The following NPC1 variants were observed in gnomAD, a reference collection of about 807,000 sequenced individuals.
The protein encoded by NPC1 is NPC intracellular cholesterol transporter 1, also known as Niemann-Pick C1 protein.
In NPC1, 85 loss-of-function variants were observed where a neutral mutation model predicts 140.4. The observed-to-expected ratio is 0.61, with a 90% CI of 0.51 to 0.72. The LOEUF is 0.72. Ranked by LOEUF, NPC1 falls within the 30% of genes least tolerant of loss-of-function variation. The pLI, the probability that NPC1 is intolerant of heterozygous loss-of-function variation, is 0.00. For missense variants in NPC1, 1,504 were observed against 1,623.8 expected (o/e 0.93, Z 1.27); for synonymous variants, 656 against 624.8 (o/e 1.05, Z -0.74).
downstream of NPC1, chr18:23,530,693 C>A: frequency 7.5e-7 from 1 of 1,340,720 alleles, no homozygotes. Flanking sequence ...GGGCGAGGAC[C>A]CTGGGTTAGC....
intron 11 of NPC1, among the ~76,000 whole-genome samples, chr18:23,546,248 CAAAAAAAAAAAAAAAA>C (rs60021403): frequency 1.5e-4 from 7 of 45,580 alleles, no homozygotes; most frequent in South Asian, 1.5e-3. Flanking sequence ...GACTCTGTCT[CAAAAAAAAAAAAAAAA>C]AAAAAAAAAA....
In NPC1 at chr18:23,541,215, G is replaced by C; in HGVS notation, c.2374-7C>G. 1.9e-6 allele frequency: 3 copies of C among 1,614,154 alleles called. No homozygotes were observed. Among genetic ancestry groups the C allele is most frequent in the Non-Finnish European group, 2.5e-6 (3 of 1,180,028 alleles). ...AGATGTCTAGCCGATTTTTCTGAGG[G>C]GACAGAGGGAAACAAAGGTTATACC... On this transcript the variant is annotated splice_polypyrimidine_tract_variant and splice_region_variant and intron_variant, in intron 15 of 24. Coordinates refer to ENST00000269228, the MANE Select transcript of NPC1 (RefSeq NM_000271.5).
intron 3 of NPC1, among the ~76,000 whole-genome samples, chr18:23,510,920 T>C (rs138337989): frequency 6.6e-6 from 1 of 152,334 alleles, no homozygotes; most frequent in Non-Finnish European, 1.5e-5. Context: ...AGTATGGCGA[T>C]TCCTCAGAGA....
At position 23,544,318 on chromosome 18, in the gene NPC1, A is replaced by T. The variant is rs201543574; in HGVS notation, c.2130+26T>A. 18 of 1,609,942 alleles carry T rather than the reference A, an allele frequency of 1.1e-5. No homozygotes were observed. The Admixed American group carries it at 3.0e-4, about 27-fold the overall frequency. On this transcript the variant is annotated intron_variant, in intron 13 of 24. Transcript: ENST00000269228. Reference sequence around the variant, plus strand: ...GTCCCTGAAACTTGAACAGATGCTGAGCCCTGTGAGAATATGGAAGTATAC... The same window carrying T: ...GTCCCTGAAACTTGAACAGATGCTGTGCCCTGTGAGAATATGGAAGTATAC...
intron 2 of NPC1, 112 bp from the exon 3 acceptor site, chr18:23,572,292 G>A: frequency 1.4e-6 from 1 of 729,872 alleles, no homozygotes; most frequent in Non-Finnish European, 2.5e-6. Flanking sequence ...AGTACAAAAG[G>A]GTAAGACACA....
rs1555634618 is a variant in NPC1, at chr18:23,544,952, C to CCTCCG, written c.1947+7_1947+8insCGGAG. ...CTCTAGAACATACACCACCCCCCCC[C>CCTCCG]GGCTTACCAGAAGCCTGCGACAGCT... On this transcript the variant is annotated splice_region_variant and intron_variant, in intron 12 of 24. Transcript: ENST00000269228. 1.2e-5 allele frequency: 17 copies of CCTCCG among 1,430,730 alleles called. No homozygotes were observed. The highest frequency in any genetic ancestry group is 1.6e-5 in the Non-Finnish European group (16 of 1,025,422). 88.6% of individuals were successfully genotyped at this position (1,430,730 alleles called of 1,614,324 possible). A position where few individuals can be genotyped will look rare whatever the true frequency, so the allele number is the denominator to read the frequency against.
chr18:23,562,007 T>G lies in NPC1; in HGVS notation c.464-480A>C, dbSNP rs183940900. ...CACGTGTCAATAAACCTAATACTGT[T>G]GGCCGGGCACGGTGGCTCACACCTG... On this transcript the variant is annotated intron_variant, in intron 4 of 24. Transcript: ENST00000269228. 4.2e-3 allele frequency among the ~76,000 whole-genome samples: 642 copies of G among 152,240 alleles called. 6 individuals carry two copies. Among genetic ancestry groups the G allele is most frequent in the Middle Eastern group, 0.01 (3 of 294 alleles).
At chr18:23,535,903 G>C (rs2145353251) in intron 21 of NPC1, among the ~76,000 whole-genome samples, 1 of 152,130 alleles carries the variant, frequency 6.6e-6, no homozygotes, top group East Asian at 1.9e-4. Flanking sequence ...GCCCAGCAGT[G>C]ATGCAAAATG....
In NPC1 at chr18:23,534,391, G is replaced by A; in HGVS notation, c.3591+55C>T. ...AGGATCCAGACTCTTCAGTCACTGA[G>A]GAGGATTACTTTGTGGTGCGACTCT... On this transcript the variant is annotated intron_variant, in intron 23 of 24. Transcript: ENST00000269228. 3.5e-6 allele frequency: 4 copies of A among 1,157,468 alleles called. No individual in the cohort carries two copies. In the South Asian group the frequency reaches 4.9e-5, roughly 14 times the overall value. 71.7% of individuals were successfully genotyped at this position (1,157,468 alleles called of 1,614,324 possible).
At chr18:23,562,358 C>T (rs2059055452) in intron 4 of NPC1, among the ~76,000 whole-genome samples, 1 of 151,446 alleles carries the variant, frequency 6.6e-6, no homozygotes, top group Non-Finnish European at 1.5e-5. Flanking sequence ...TTTTCTTACA[C>T]ATACACACAA....
At chr18:23,530,711 T>C, downstream of NPC1, 1 of 1,137,430 alleles carries the variant, frequency 8.8e-7, no homozygotes, top group Non-Finnish European at 1.2e-6. Flanking sequence ...AGCATTTTTG[T>C]AAACAACACA....
chr18:23,523,633 G>A (rs1368703372), intron 1 of NPC1, among the ~76,000 whole-genome samples: 1 of 151,796 alleles, frequency 6.6e-6, no homozygotes, highest in African/African-American at 2.4e-5. Flanking sequence ...TGAGGCAGGA[G>A]GACCACTTGA....
Position 23,559,959 on chromosome 18 carries a change from C to G in NPC1, c.881+272G>C, listed in dbSNP as rs542674415. ...GGCGACAAGAGTGAGACTCAGTCTCCAAAAAAAAAAAGAATCAGTGGCTAA... is the reference window on the plus strand; with the variant it reads ...GGCGACAAGAGTGAGACTCAGTCTCGAAAAAAAAAAAGAATCAGTGGCTAA... On this transcript the variant is annotated intron_variant, in intron 6 of 24. Transcript: ENST00000269228. 1.6e-3 allele frequency among the ~76,000 whole-genome samples: 217 copies of G among 137,602 alleles called. 1 individual carries two copies. In the Middle Eastern group the frequency reaches 0.049, roughly 31 times the overall value. 90.3% of individuals were successfully genotyped at this position (137,602 alleles called of 152,430 possible).
intron 1 of NPC1, chr18:23,524,065 A>C: frequency 4.6e-6 from 7 of 1,516,308 alleles, no homozygotes; most frequent in Non-Finnish European, 6.4e-6. Context: ...CTTTTGTGTC[A>C]TAAGTACCAG....
chr18:23,521,928 T>G (rs1488907633), downstream of NPC1, among the ~76,000 whole-genome samples: 1 of 152,218 alleles, frequency 6.6e-6, no homozygotes, highest in African/African-American at 2.4e-5. Flanking sequence ...AATTGGCTAG[T>G]CTGAGGTTTC....
intron 10 of NPC1, among the ~76,000 whole-genome samples, chr18:23,551,074 T>C (rs1311862064): frequency 1.3e-5 from 2 of 152,206 alleles, no homozygotes; most frequent in African/African-American, 4.8e-5. Flanking sequence ...AGGTGTCACA[T>C]GAATAATCAC....
At chr18:23,529,431 C>G (rs2058416710), downstream of NPC1, 1 of 1,412,054 alleles carries the variant, frequency 7.1e-7, no homozygotes, top group Non-Finnish European at 9.4e-7. Context: ...GGGTGAGGCC[C>G]TAGAGCTGGT....
intron 1 of NPC1, among the ~76,000 whole-genome samples, chr18:23,575,436 C>T (rs899650716): frequency 2.0e-5 from 3 of 152,062 alleles, no homozygotes; most frequent in Non-Finnish European, 4.4e-5. Flanking sequence ...AGCTGGATTG[C>T]ACCTGGGATC....
intron 10 of NPC1, among the ~76,000 whole-genome samples, chr18:23,550,475 A>ATTTTTTTTTTTTTTT (rs1491268509): frequency 1.7e-4 from 9 of 53,498 alleles, no homozygotes; most frequent in African/African-American, 7.8e-4. Flanking sequence ...CAGTTCTTAC[A>ATTTTTTTTTTTTTTT]TTTCTTTTTT....
Sources: allele counts gnomAD v4.1 joint callset (sites outside exome capture counted in the v4.1 genomes callset), GRCh38; gene constraint gnomAD v4.1.1; transcripts MANE v1.5; gene names NCBI Gene and HGNC (gene_info 2026-07-23, HGNC 2026-07-21).